Variants in NEK11 observed in about 807,000 individuals in gnomAD.
NEK11 encodes serine/threonine-protein kinase Nek11.
Under a neutral mutation model 80.7 loss-of-function variants are expected in NEK11, and 72 were observed. The observed-to-expected ratio is 0.89, with a 90% CI of 0.74 to 1.08. The LOEUF (loss-of-function observed/expected upper bound fraction) is 1.08, where lower values mean the gene tolerates loss of function less well. Ranked by LOEUF, NEK11 falls within the 50% of genes least tolerant of loss-of-function variation. NEK11 has a pLI of 0.00. For missense variants in NEK11, 764 were observed against 763.6 expected (o/e 1.00, Z -0.01); for synonymous variants, 251 against 260.7 (o/e 0.96, Z 0.36).
At chr3:131,302,730 A>AT (rs200487155) in intron 17 of NEK11, among the ~76,000 whole-genome samples, 178 of 151,304 alleles carry the variant, frequency 1.2e-3, no homozygotes, top group Non-Finnish European at 7.1e-4. Context: ...TATGATTTCG[A>AT]TTTTTTTTCA....
At chr3:131,092,935 C>T (rs372060058) in intron 4 of NEK11, 17 of 152,174 alleles carry the variant, frequency 1.1e-4, no homozygotes, top group African/African-American at 3.1e-4. Flanking sequence ...CACAATTTCT[C>T]GTTAATCCAT....
chr3:131,105,861 A>G (rs1461930629), intron 4 of NEK11, among the ~76,000 whole-genome samples: 2 of 152,250 alleles, frequency 1.3e-5, no homozygotes, highest in East Asian at 1.9e-4. Flanking sequence ...GTTCTTTCTC[A>G]TTTTGGATCA....
chr3:131,240,736 T>G (rs2095506585), intron 15 of NEK11, among the ~76,000 whole-genome samples: 1 of 152,196 alleles, frequency 6.6e-6, no homozygotes, highest in Admixed American at 6.6e-5. Context: ...ATTTTCTGAA[T>G]GAAATACAAC....
intron 15 of NEK11, among the ~76,000 whole-genome samples, chr3:131,237,158 A>G (rs2095444159): frequency 6.6e-6 from 1 of 152,048 alleles, no homozygotes; most frequent in South Asian, 2.1e-4. Context: ...TGGGCAACAT[A>G]GTGAGACCTA....
intron 14 of NEK11, among the ~76,000 whole-genome samples, chr3:131,211,506 T>C (rs961727798): frequency 2.0e-5 from 3 of 152,228 alleles, no homozygotes; most frequent in East Asian, 3.9e-4. Flanking sequence ...TTAATTTGAA[T>C]GTTGGCCTGC....
rs979140726 is a variant in NEK11, at chr3:131,049,132, T to C, written c.170+19254T>C. ...TAGTTAGCTAAAAGTTTCGTTAGTT[T>C]AGTATTTTGGTTCTAAAACACATTT... is the stretch of plus-strand genomic sequence containing the variant. On this transcript the variant is annotated intron_variant, in intron 3 of 17. Transcript: ENST00000383366. Among the ~76,000 whole-genome samples the C allele has an allele frequency of 7.9e-5, 12 of 152,360 alleles. No individual in the cohort carries two copies. In the South Asian group the frequency reaches 8.3e-4, roughly 11 times the overall value.
intron 10 of NEK11, among the ~76,000 whole-genome samples, chr3:131,159,469 A>C (rs1411745454): frequency 6.6e-6 from 1 of 152,176 alleles, no homozygotes; most frequent in Non-Finnish European, 1.5e-5. Flanking sequence ...TGAAAACCAC[A>C]CTGTAAGAAT....
Position 131,164,828 on chromosome 3 carries a change from G to C in NEK11, c.1083-598G>C, listed in dbSNP as rs115427040. Reference sequence around the variant, plus strand: ...AGAATTATAATGTACCCGTTTTAGAGACAAGGGAGTTTGACTAGAAGGGTG... The same window carrying C: ...AGAATTATAATGTACCCGTTTTAGACACAAGGGAGTTTGACTAGAAGGGTG... On this transcript the variant is annotated intron_variant, in intron 11 of 17. Coordinates refer to ENST00000383366, the MANE Select transcript of NEK11 (RefSeq NM_024800.5). Among the ~76,000 whole-genome samples the C allele has an allele frequency of 3.9e-3, 589 of 152,288 alleles. 4 individuals carry two copies. Among genetic ancestry groups the C allele is most frequent in the African/African-American group, 0.013 (538 of 41,558 alleles).
chr3:131,201,948 C>T (rs1188508754), intron 14 of NEK11, among the ~76,000 whole-genome samples: 1 of 152,176 alleles, frequency 6.6e-6, no homozygotes, highest in Non-Finnish European at 1.5e-5. Context: ...CGATTCTCTG[C>T]CTCAGCCTCC....
At chr3:131,266,167 A>G (rs1419585317) in intron 16 of NEK11, among the ~76,000 whole-genome samples, 1 of 151,918 alleles carries the variant, frequency 6.6e-6, no homozygotes, top group Non-Finnish European at 1.5e-5. Context: ...CAACTCCTGG[A>G]TTCATTGATT....
chr3:131,043,344 C>T (rs1160882865), intron 3 of NEK11, among the ~76,000 whole-genome samples: 1 of 152,152 alleles, frequency 6.6e-6, no homozygotes, highest in Non-Finnish European at 1.5e-5. Flanking sequence ...TAACCCAATG[C>T]AAAGAAGTTA....
At chr3:131,081,888 G>A (rs1377068365) in intron 4 of NEK11, among the ~76,000 whole-genome samples, 2 of 152,174 alleles carry the variant, frequency 1.3e-5, no homozygotes, top group African/African-American at 2.4e-5. Context: ...GGATAGCAGC[G>A]AGAACAACCT....
At chr3:131,177,289 G>A (rs1387249185) in intron 14 of NEK11, among the ~76,000 whole-genome samples, 1 of 152,134 alleles carries the variant, frequency 6.6e-6, no homozygotes, top group Non-Finnish European at 1.5e-5. Flanking sequence ...CATAATTTCT[G>A]TCATCTGCAG....
intron 11 of NEK11, among the ~76,000 whole-genome samples, chr3:131,164,767 C>T (rs1349944235): frequency 6.6e-6 from 1 of 152,070 alleles, no homozygotes; most frequent in Non-Finnish European, 1.5e-5. Flanking sequence ...CAAGGGGGAT[C>T]ATGTGTTTTA....
rs534170461 is a variant in NEK11, at chr3:131,226,918, A to G, written c.1400-1610A>G. Among the ~76,000 whole-genome samples, 107 of 152,022 alleles carry G rather than the reference A, an allele frequency of 7.0e-4. 2 individuals are homozygous for G. In the Middle Eastern group the frequency reaches 0.024, roughly 34 times the overall value. On this transcript the variant is annotated intron_variant, in intron 14 of 17. Coordinates refer to ENST00000383366, the MANE Select transcript of NEK11 (RefSeq NM_024800.5). ...CAGGTGTCTTCTTGATATAATGACT[A>G]GAAGCCACGTTTAATAAAAATAATA...
chr3:131,156,786 G>T (rs2090719771), intron 10 of NEK11, among the ~76,000 whole-genome samples: 1 of 152,208 alleles, frequency 6.6e-6, no homozygotes. Context: ...CATGTAAAGT[G>T]CTTACAAGCA....
chr3:131,237,272 G>A (rs1030511420), intron 15 of NEK11, among the ~76,000 whole-genome samples: 1 of 152,118 alleles, frequency 6.6e-6, no homozygotes, highest in African/African-American at 2.4e-5. Context: ...AGAGGTTGAG[G>A]CTGCAGTGAG....
intron 5 of NEK11, among the ~76,000 whole-genome samples, chr3:131,119,967 C>A (rs577744185): frequency 2.0e-5 from 3 of 152,106 alleles, no homozygotes; most frequent in Admixed American, 6.6e-5. Context: ...TGGAGCATTT[C>A]GCCCATTTAC....
At chr3:131,052,050 A>G (rs1270688058) in intron 3 of NEK11, among the ~76,000 whole-genome samples, 1 of 152,018 alleles carries the variant, frequency 6.6e-6, no homozygotes, top group South Asian at 2.1e-4. Flanking sequence ...TGCTTTATGC[A>G]CACATTAGCA....
Sources: gnomAD v4.1 joint callset for allele counts (sites outside exome capture counted in the v4.1 genomes callset) on GRCh38, gnomAD v4.1.1 for gene constraint, MANE v1.5 for transcripts, NCBI Gene and HGNC (gene_info 2026-07-23, HGNC 2026-07-21) for gene names.